SDK1: variants seen among roughly 807,000 people sequenced by gnomAD.
SDK1 encodes the protein protein sidekick-1.
In SDK1, 157 loss-of-function variants were observed where a neutral mutation model predicts 245.5. That is an observed-to-expected ratio of 0.64 (90% CI 0.56 to 0.73). The LOEUF is 0.73. Among genes scored for constraint, SDK1 ranks in the 30% least tolerant of loss-of-function variants. The pLI, the probability that SDK1 is intolerant of heterozygous loss-of-function variation, is 0.00. For synonymous variants in SDK1, 1,647 were observed against 1,278.5 expected (o/e 1.29, Z -6.15); for missense variants, 3,583 against 3,002.3 (o/e 1.19, Z -4.52).
At chr7:3,441,771 G>A (rs1176752722) in intron 1 of SDK1, among the ~76,000 whole-genome samples, 3 of 152,052 alleles carry the variant, frequency 2.0e-5, no homozygotes, top group Non-Finnish European at 4.4e-5. Context: ...TAACAACATC[G>A]AGTCATTTCT....
intron 1 of SDK1, among the ~76,000 whole-genome samples, chr7:3,367,889 A>G (rs540101978): frequency 6.6e-6 from 1 of 152,336 alleles, no homozygotes; most frequent in East Asian, 1.9e-4. Flanking sequence ...ATATAGGAAA[A>G]TGTTTTCTTT....
rs1383263693 is a variant in SDK1 at position 4,011,138 on chromosome 7, G to A, written c.2279+25G>A. 3 of 1,611,164 alleles carry A rather than the reference G, an allele frequency of 1.9e-6. No homozygotes were observed. In the Admixed American group the frequency reaches 5.0e-5, roughly 27 times the overall value. On this transcript the variant is annotated intron_variant, in intron 15 of 44. Coordinates refer to ENST00000404826, the MANE Select transcript of SDK1 (RefSeq NM_152744.4). ...GGTGCGTGAATCCCGCCCCAGGTGGGGGTGTGGAACAGCCGGGGGCCTGAA... is the reference window on the plus strand; with the variant it reads ...GGTGCGTGAATCCCGCCCCAGGTGGAGGTGTGGAACAGCCGGGGGCCTGAA...
chr7:4,093,310 C>T (rs574499674), intron 22 of SDK1, among the ~76,000 whole-genome samples: 1 of 152,198 alleles, frequency 6.6e-6, no homozygotes, highest in African/African-American at 2.4e-5. Flanking sequence ...TAAACCCCTG[C>T]CATTCGCAGC....
At position 4,175,776 on chromosome 7, in the gene SDK1, C is replaced by G; in HGVS notation, c.4938C>G (p.Ala1646=). Residue 1646 remains alanine (A), a splice_region_variant and synonymous_variant, in exon 34 of 45, where the codon GCC becomes GCG. Coordinates refer to ENST00000404826, the MANE Select transcript of SDK1 (RefSeq NM_152744.4). ...TTTCTGCTTTGCTTACCCCAATAGCCCAAAGCAGCTTCAAGACGGTGAACA... is the reference window on the plus strand; with the variant it reads ...TTTCTGCTTTGCTTACCCCAATAGCGCAAAGCAGCTTCAAGACGGTGAACA... ...NPIALHAELT[A]QSSFKTVNSS... 6.2e-7 allele frequency: 1 copy of G among 1,613,822 alleles called. No individual in the cohort carries two copies. The highest frequency in any genetic ancestry group is 1.1e-5 in the South Asian group (1 of 91,084).
chr7:3,448,658 T>C (rs1184867247), intron 1 of SDK1, among the ~76,000 whole-genome samples: 2 of 152,228 alleles, frequency 1.3e-5, no homozygotes, highest in Non-Finnish European at 2.9e-5. Flanking sequence ...AGTCAAGCTT[T>C]GCATTTTTGT....
chr7:3,368,188 G>A (rs1781138433), intron 1 of SDK1, among the ~76,000 whole-genome samples: 1 of 152,142 alleles, frequency 6.6e-6, no homozygotes, highest in Non-Finnish European at 1.5e-5. Context: ...GTGTAAAATT[G>A]AGTTAAATAT....
chr7:3,601,499 G>C (rs933846187), intron 1 of SDK1, among the ~76,000 whole-genome samples: 10 of 152,026 alleles, frequency 6.6e-5, no homozygotes, highest in Non-Finnish European at 2.9e-5. Context: ...TGTTAAATTT[G>C]TGAGCTTAAA....
At chr7:4,067,756 T>C (rs1584006634) in intron 19 of SDK1, 82 bp from the exon 20 acceptor site, 1 of 982,700 alleles carries the variant, frequency 1.0e-6, no homozygotes, top group South Asian at 1.5e-5. Context: ...TTTCCTTCCA[T>C]AGTTAGAACC....
At chr7:3,303,321 T>TAA (rs1779331498) in intron 1 of SDK1, among the ~76,000 whole-genome samples, 2 of 149,624 alleles carry the variant, frequency 1.3e-5, no homozygotes, top group African/African-American at 2.6e-5. Context: ...AATAATGTGT[T>TAA]TATTAAGTTT....
chr7:3,924,393 G>A (rs1409152307), intron 5 of SDK1, among the ~76,000 whole-genome samples: 1 of 152,144 alleles, frequency 6.6e-6, no homozygotes, highest in East Asian at 1.9e-4. Context: ...GGATGGCACT[G>A]GATGAGTGAA....
intron 1 of SDK1, among the ~76,000 whole-genome samples, chr7:3,612,458 A>G (rs564743244): frequency 7.2e-5 from 11 of 152,300 alleles, no homozygotes; most frequent in South Asian, 4.1e-4. Flanking sequence ...CCTGGCTTCA[A>G]TAGGTATACA....
chr7:3,634,373 T>C (rs1213362543), intron 2 of SDK1, among the ~76,000 whole-genome samples: 1 of 152,206 alleles, frequency 6.6e-6, no homozygotes, highest in African/African-American at 2.4e-5. Flanking sequence ...AACTGAGGCT[T>C]TCTCCTATTA....
chr7:4,130,134 C>T, intron 27 of SDK1, 37 bp downstream of exon 27: 1 of 1,528,194 alleles, frequency 6.5e-7, no homozygotes, highest in Non-Finnish European at 8.8e-7. Flanking sequence ...AGCCTTGCTG[C>T]CTCCCAGGTT....
intron 26 of SDK1, among the ~76,000 whole-genome samples, chr7:4,128,715 T>C (rs1784556106): frequency 7.6e-6 from 1 of 131,202 alleles, no homozygotes; most frequent in Non-Finnish European, 1.6e-5. Context: ...ATAGAGCAGC[T>C]TGGGGTAGGG....
intron 1 of SDK1, among the ~76,000 whole-genome samples, chr7:3,375,090 A>G (rs1395535517): frequency 1.3e-5 from 2 of 152,230 alleles, no homozygotes; most frequent in Non-Finnish European, 2.9e-5. Flanking sequence ...ATGATGCTGC[A>G]TACGCATTTT....
intron 19 of SDK1, among the ~76,000 whole-genome samples, chr7:4,060,176 C>T (rs1040188065): frequency 2.3e-4 from 35 of 152,218 alleles, no homozygotes; most frequent in Admixed American, 1.6e-3. Context: ...CCACCACGCC[C>T]GGCCAGAAAT....
chr7:4,144,952 C>T (rs750945087), intron 28 of SDK1, among the ~76,000 whole-genome samples: 4 of 152,170 alleles, frequency 2.6e-5, no homozygotes, highest in East Asian at 1.9e-4. Context: ...AGGCAGGGTG[C>T]GGACTGGAGC....
chr7:3,596,867 A>C (rs777392854), intron 1 of SDK1, among the ~76,000 whole-genome samples: 10 of 152,206 alleles, frequency 6.6e-5, no homozygotes, highest in African/African-American at 1.7e-4. Flanking sequence ...CATAAAAGAT[A>C]GAAGTGAGGT....
chr7:3,625,859 CAG>C (rs1276991379), intron 2 of SDK1, among the ~76,000 whole-genome samples: 1 of 151,974 alleles, frequency 6.6e-6, no homozygotes, highest in Non-Finnish European at 1.5e-5. Context: ...TAAAGCTACT[CAG>C]GGCTGCCTGG....
Sources: gnomAD v4.1 joint callset for allele counts (sites outside exome capture counted in the v4.1 genomes callset) on GRCh38, gnomAD v4.1.1 for gene constraint, MANE v1.5 for transcripts, NCBI Gene and HGNC (gene_info 2026-07-23, HGNC 2026-07-21) for gene names.